Variants in FOXJ2 observed in about 807,000 individuals in gnomAD.
FOXJ2 encodes forkhead box J2.
In FOXJ2, 18 loss-of-function variants were observed where a neutral mutation model predicts 68.4. The ratio of observed to expected loss-of-function variants is 0.26; its 90% CI spans 0.18 to 0.39. FOXJ2 has a LOEUF of 0.39. FOXJ2 is among the 10% of genes least tolerant of loss of function. FOXJ2 has a pLI of 1.00. For missense variants in FOXJ2, 670 were observed against 726.5 expected, an observed-to-expected ratio of 0.92 and a Z score of 0.89; for synonymous variants, 274 against 263.2, an observed-to-expected ratio of 1.04 and a Z score of -0.40.
Position 8,033,221 on chromosome 12 carries a change from C to T in FOXJ2, c.-627C>T. ...AGACCACCCTAGCGCGCCCCCGCCC[C>T]TCCAAACACACACTCTCAACAGTTC... On this transcript the variant is annotated 5_prime_UTR_variant, in exon 1 of 11. Coordinates refer to ENST00000162391, the MANE Select transcript of FOXJ2 (RefSeq NM_018416.3). The T allele has an allele frequency of 4.5e-6, 1 of 224,662 alleles. No homozygotes were observed. 13.9% of individuals were successfully genotyped at this position (224,662 alleles called of 1,614,324 possible).
chr12:8,044,243 G>T (rs1214413575), intron 5 of FOXJ2, 152 bp downstream of exon 5: 1 of 1,019,854 alleles, frequency 9.8e-7, no homozygotes, highest in African/African-American at 1.7e-5. Context: ...AATAGAGAGA[G>T]AGAGAAATAG....
intron 7 of FOXJ2, 34 bp downstream of exon 7, chr12:8,048,323 G>T: frequency 6.6e-7 from 1 of 1,516,798 alleles, no homozygotes; most frequent in Non-Finnish European, 8.8e-7. Context: ...ATCTAGAGGA[G>T]GGTGGGGTGA....
chr12:8,048,349 A>G (rs565200014), intron 7 of FOXJ2, 60 bp downstream of exon 7: 5 of 1,502,762 alleles, frequency 3.3e-6, no homozygotes, highest in South Asian at 2.7e-5. Flanking sequence ...TTGTCCTAAC[A>G]CCGGCATGGA....
At chr12:8,052,738 A>G (rs755491279) in intron 10 of FOXJ2, 24 bp from the exon 11 acceptor site, 1 of 1,578,224 alleles carries the variant, frequency 6.3e-7, no homozygotes, top group African/African-American at 1.4e-5. Context: ...CTCTCCTTTT[A>G]CTCTCTTTCT....
At chr12:8,048,981 C>T (rs1385575399) in intron 8 of FOXJ2, among the ~76,000 whole-genome samples, 183 bp downstream of exon 8, 1 of 152,198 alleles carries the variant, frequency 6.6e-6, no homozygotes, top group Non-Finnish European at 1.5e-5. Context: ...TTAATCTTGT[C>T]TTAACTGAAA....
chr12:8,034,386 T>C (rs750849654), intron 1 of FOXJ2, among the ~76,000 whole-genome samples: 3 of 152,326 alleles, frequency 2.0e-5, no homozygotes, highest in South Asian at 2.1e-4. Flanking sequence ...CTATCTCAGA[T>C]ACCAAGAGGC....
At chr12:8,048,543 C>T (rs1324527261) in intron 7 of FOXJ2, among the ~76,000 whole-genome samples, 154 bp from the exon 8 acceptor site, 2 of 152,252 alleles carry the variant, frequency 1.3e-5, no homozygotes, top group South Asian at 2.1e-4. Flanking sequence ...CTTTTCCAGT[C>T]CTAAACTCCC....
chr12:8,046,093 A>ATAT (rs746477031), intron 6 of FOXJ2, among the ~76,000 whole-genome samples: 6 of 152,222 alleles, frequency 3.9e-5, no homozygotes, highest in Admixed American at 6.5e-5. Context: ...AAGCTAGGCT[A>ATAT]ATAGCTTCAG....
intron 1 of FOXJ2, 49 bp from the exon 2 acceptor site, chr12:8,039,770 A>G (rs1946940256): frequency 6.9e-7 from 1 of 1,450,832 alleles, no homozygotes; most frequent in East Asian, 2.3e-5. Flanking sequence ...AAAGGATTTG[A>G]GTATTACTTG....
chr12:8,043,258 T>A (rs994108933), intron 3 of FOXJ2, among the ~76,000 whole-genome samples: 1 of 151,804 alleles, frequency 6.6e-6, no homozygotes, highest in Non-Finnish European at 1.5e-5. Context: ...ATCTTTTTTT[T>A]AAAAAAATAG....
At chr12:8,043,259 A>T (rs754678213) in intron 3 of FOXJ2, among the ~76,000 whole-genome samples, 49 of 146,508 alleles carry the variant, frequency 3.3e-4, no homozygotes, top group South Asian at 6.4e-4. Context: ...TCTTTTTTTT[A>T]AAAAAATAGA....
intron 1 of FOXJ2, among the ~76,000 whole-genome samples, chr12:8,034,293 C>T (rs1475845219): frequency 6.6e-6 from 1 of 152,168 alleles, no homozygotes; most frequent in Admixed American, 6.5e-5. Flanking sequence ...CCGAGGTCAG[C>T]TTAGTGTTCA....
At chr12:8,047,754 C>T in intron 6 of FOXJ2, 128 bp from the exon 7 acceptor site, 3 of 1,258,528 alleles carry the variant, frequency 2.4e-6, no homozygotes, top group Admixed American at 2.3e-5. Context: ...TCTTTGCTGC[C>T]CTAGAATGTT....
intron 5 of FOXJ2, 78 bp downstream of exon 5, chr12:8,044,169 G>A: frequency 7.1e-7 from 1 of 1,408,188 alleles, no homozygotes; most frequent in East Asian, 2.5e-5. Context: ...TCAGAATTAT[G>A]TATTGAGTAT....
In FOXJ2 at chr12:8,033,506, G is replaced by A. The variant is rs769795712; in HGVS notation, c.-342G>A. Reference sequence around the variant, plus strand: ...TCCACCTCAGAAAGATCCAGTTTGGGGGGGAGGGGAACTCCCCCAAGGGGG... The same window carrying A: ...TCCACCTCAGAAAGATCCAGTTTGGAGGGGAGGGGAACTCCCCCAAGGGGG... On this transcript the variant is annotated 5_prime_UTR_variant, in exon 1 of 11. Transcript: ENST00000162391. The A allele has an allele frequency of 6.5e-6, 1 of 152,672 alleles. No homozygotes were observed. Among genetic ancestry groups the A allele is most frequent in the African/African-American group, 2.4e-5 (1 of 41,552 alleles). The allele number at this position is 152,672 out of a possible 1,614,324, so 9.5% of individuals were successfully genotyped here. A position where few individuals can be genotyped will look rare whatever the true frequency, so the allele number is the denominator to read the frequency against.
At chr12:8,036,876 G>T (rs1946903072) in intron 1 of FOXJ2, among the ~76,000 whole-genome samples, 1 of 152,120 alleles carries the variant, frequency 6.6e-6, no homozygotes, top group South Asian at 2.1e-4. Flanking sequence ...ATCACCTGAG[G>T]TCAGGAGTTC....
rs190478632 is a variant in FOXJ2, at chr12:8,048,026, A to G, written c.962A>G (p.Gln321Arg). The G allele has an allele frequency of 7.9e-5, 127 of 1,613,962 alleles. 1 individual carries two copies. In the East Asian group the frequency reaches 2.3e-3, roughly 29 times the overall value. The change falls in exon 7 of 11, where the codon CAG becomes CGG. Residue 321 changes from glutamine (Q) to arginine (R), a missense_variant. Physicochemically the swap from Gln to Arg is conservative, Grantham distance 43. This residue lies in a region of FOXJ2 where 555 missense variants were observed against 562.2 expected (regional missense o/e 0.99). Coordinates refer to ENST00000162391, the MANE Select transcript of FOXJ2 (RefSeq NM_018416.3). ...CAGCAGTCCCAGCCACAGCAGCAGC[A>G]GGCACCTGCCCAGGGCCCCTCAGCT... is the stretch of plus-strand genomic sequence containing the variant. The part of the protein sequence containing the change: ...PPQQSQPQQQ[Q>R]APAQGPSAVG...
chr12:8,041,511 C>CT (rs547891476), intron 2 of FOXJ2, among the ~76,000 whole-genome samples: 2,297 of 142,686 alleles, frequency 0.016, 50 homozygotes, highest in East Asian at 0.09. Context: ...CCCAGCCTCT[C>CT]TTTTTTTTTT....
intron 5 of FOXJ2, among the ~76,000 whole-genome samples, chr12:8,044,405 T>C (rs1291760426): frequency 2.0e-5 from 3 of 151,980 alleles, no homozygotes; most frequent in African/African-American, 4.8e-5. Flanking sequence ...CAAAACCCCA[T>C]CTCTACAAAA....
Sources: allele counts gnomAD v4.1 joint callset (sites outside exome capture counted in the v4.1 genomes callset), GRCh38; gene constraint gnomAD v4.1.1; regional missense constraint gnomAD v4.1.1; transcripts MANE v1.5; gene names NCBI Gene and HGNC (gene_info 2026-07-23, HGNC 2026-07-21).